Variants in STS observed in about 807,000 individuals in gnomAD.
STS encodes steroid sulfatase.
In STS, 7 loss-of-function variants were observed where a neutral mutation model predicts 26.8. That is an observed-to-expected ratio of 0.26 (90% CI 0.15 to 0.49). The LOEUF (loss-of-function observed/expected upper bound fraction) is 0.49. Ranked by LOEUF, STS falls within the 20% of genes least tolerant of loss-of-function variation. STS has a pLI of 0.98. For missense variants in STS, 434 were observed against 465.6 expected (o/e 0.93, Z 0.63); for synonymous variants, 199 against 189.4 (o/e 1.05, Z -0.42).
intron 2 of STS, among the ~76,000 whole-genome samples, chrX:7,204,600 C>G (rs757042215): frequency 2.1e-5 from 2 of 95,907 alleles, no homozygotes; most frequent in East Asian, 3.6e-4. Flanking sequence ...TTCTCTCCAT[C>G]TTCTTTCTTC....
At chrX:7,193,042 G>T (rs1454350742) in intron 2 of STS, among the ~76,000 whole-genome samples, 3 of 112,454 alleles carry the variant, frequency 2.7e-5, no homozygotes, top group African/African-American at 9.7e-5. Flanking sequence ...AAGAATTAAA[G>T]AGAACAAAAG....
At position 7,248,586 on chromosome X, in the gene STS, C is replaced by T. The variant is rs186761189; in HGVS notation, c.-4-4610C>T. On this transcript the variant is annotated intron_variant, in intron 2 of 10. Transcript: ENST00000674429. ...CAGGATACATGGCCTCACTCAATAC[C>T]GGTGGGTCAGAGAAAGGATTGCGTT... Among the ~76,000 whole-genome samples, 6 of 112,058 alleles carry T rather than the reference C, an allele frequency of 5.4e-5. No homozygotes were observed. The East Asian group carries it at 1.7e-3, about 31-fold the overall frequency.
chrX:7,345,070 G>T (rs1261205460), intron 10 of STS, among the ~76,000 whole-genome samples: 2 of 111,042 alleles, frequency 1.8e-5, no homozygotes, highest in African/African-American at 6.6e-5. Flanking sequence ...TGGGGCCCTT[G>T]GGATAAAGAC....
intron 9 of STS, among the ~76,000 whole-genome samples, chrX:7,332,963 C>A (rs1485372981): frequency 1.8e-5 from 2 of 111,844 alleles, no homozygotes; most frequent in African/African-American, 3.3e-5. Context: ...CGGAGAAGTG[C>A]TAACAACAAG....
intron 10 of STS, among the ~76,000 whole-genome samples, chrX:7,343,980 C>T (rs1180530629): frequency 2.7e-5 from 3 of 112,290 alleles, no homozygotes; most frequent in African/African-American, 9.7e-5. Flanking sequence ...TGGTGCCTTT[C>T]CTGTCCTTTA....
chrX:7,201,534 G>A (rs772971262), intron 2 of STS, among the ~76,000 whole-genome samples: 23 of 110,213 alleles, frequency 2.1e-4, no homozygotes, highest in African/African-American at 7.3e-4. Flanking sequence ...GGGTCAGCAG[G>A]CCCTCCACCT....
intron 2 of STS, among the ~76,000 whole-genome samples, chrX:7,191,958 C>T (rs1933882193): frequency 8.9e-6 from 1 of 112,044 alleles, no homozygotes; most frequent in African/African-American, 3.2e-5. Flanking sequence ...TTTTAAAAGC[C>T]CCTGCAGGGA....
At chrX:7,322,726 C>A (rs1353392872) in intron 8 of STS, among the ~76,000 whole-genome samples, 3 of 111,775 alleles carry the variant, frequency 2.7e-5, no homozygotes, top group Non-Finnish European at 5.6e-5. Flanking sequence ...ATTCAAACCT[C>A]CTCTACAAAA....
chrX:7,192,614 C>T (rs1304074335), intron 2 of STS, among the ~76,000 whole-genome samples: 1 of 109,672 alleles, frequency 9.1e-6, no homozygotes, highest in Admixed American at 9.7e-5. Context: ...GCTTATGAAA[C>T]GTAAAAGATG....
In STS at chrX:7,259,557, A is replaced by C; in HGVS notation, c.591A>C (p.Ala197=). Residue 197 remains alanine, a synonymous_variant, in exon 6 of 11, where the codon GCA becomes GCC. Coordinates refer to ENST00000674429, the MANE Select transcript of STS (RefSeq NM_001320752.2). The stretch of plus-strand genomic sequence containing the variant: ...GGGTCACCCTCCTTACCCTTGCTGC[A>C]CTCAATTGTCTGGGGCTACTCCACG... The part of the protein sequence containing the change: ...IVGVTLLTLA[A]LNCLGLLHVP... The C allele has an allele frequency of 8.3e-7, 1 of 1,210,614 alleles. No individual in the cohort carries two copies. The highest frequency in any genetic ancestry group is 1.1e-6 in the Non-Finnish European group (1 of 895,133).
chrX:7,205,952 T>C (rs1033418756), intron 2 of STS, among the ~76,000 whole-genome samples: 9 of 110,747 alleles, frequency 8.1e-5, no homozygotes, highest in African/African-American at 9.8e-5. Flanking sequence ...AGTCATTGCA[T>C]AATTGTCTTG....
intron 7 of STS, among the ~76,000 whole-genome samples, chrX:7,300,911 A>T (rs1200965516): frequency 1.8e-5 from 2 of 111,479 alleles, no homozygotes; most frequent in East Asian, 5.7e-4. Flanking sequence ...TCTGCATAAT[A>T]AATGCAGCTG....
intron 8 of STS, among the ~76,000 whole-genome samples, chrX:7,316,660 T>G (rs1926725779): frequency 8.9e-6 from 1 of 112,375 alleles, no homozygotes; most frequent in South Asian, 3.7e-4. Flanking sequence ...ATTTAGGAAC[T>G]GATATCACCA....
At chrX:7,345,292 C>T (rs990467389) in intron 10 of STS, among the ~76,000 whole-genome samples, 6 of 111,482 alleles carry the variant, frequency 5.4e-5, no homozygotes, top group African/African-American at 9.8e-5. Context: ...TGCAGTTTTC[C>T]GGAGCTTATA....
At chrX:7,203,791 T>C (rs12690191) in intron 2 of STS, among the ~76,000 whole-genome samples, 1 of 106,110 alleles carries the variant, frequency 9.4e-6, no homozygotes, top group East Asian at 3.0e-4. Flanking sequence ...TATATATATA[T>C]AGAGAGAGAG....
At chrX:7,215,138 C>CACATATATATAT (rs1356263612) in intron 2 of STS, among the ~76,000 whole-genome samples, 5 of 90,308 alleles carry the variant, frequency 5.5e-5, no homozygotes, top group African/African-American at 2.1e-4. Flanking sequence ...CACACACACA[C>CACATATATATAT]ATATATATAT....
At chrX:7,279,101 C>T (rs940338362) in intron 7 of STS, among the ~76,000 whole-genome samples, 4 of 107,416 alleles carry the variant, frequency 3.7e-5, no homozygotes, top group East Asian at 2.9e-4. Flanking sequence ...GTCAGGAGTT[C>T]GAGACCAGCC....
intron 2 of STS, among the ~76,000 whole-genome samples, chrX:7,214,079 C>A (rs1324129710): frequency 9.0e-6 from 1 of 111,419 alleles, no homozygotes; most frequent in Admixed American, 9.5e-5. Context: ...CAGAGCAAGA[C>A]CCTGTCTGAA....
chrX:7,188,175 T>C (rs1347047087), intron 1 of STS, among the ~76,000 whole-genome samples: 6 of 111,921 alleles, frequency 5.4e-5, no homozygotes, highest in African/African-American at 1.9e-4. Context: ...GTCAGCTGGG[T>C]ACCATTCCCC....
Sources: gnomAD v4.1 joint callset for allele counts (sites outside exome capture counted in the v4.1 genomes callset) on GRCh38, gnomAD v4.1.1 for gene constraint, MANE v1.5 for transcripts, NCBI Gene and HGNC (gene_info 2026-07-23, HGNC 2026-07-21) for gene names.